FREM2: variants seen among roughly 807,000 people sequenced by gnomAD.
The protein encoded by FREM2 is FRAS1 related extracellular matrix 2.
A neutral mutation model predicts 219.9 loss-of-function variants in FREM2; 119 were observed. The ratio of observed to expected loss-of-function variants is 0.54; its 90% CI spans 0.47 to 0.63. The LOEUF (loss-of-function observed/expected upper bound fraction) is 0.63. Among genes scored for constraint, FREM2 ranks in the 30% least tolerant of loss-of-function variants. The pLI is 0.00. For missense variants in FREM2, 4,030 were observed against 3,993.6 expected, an observed-to-expected ratio of 1.01 and a Z score of -0.25; for synonymous variants, 1,562 against 1,522.8, an observed-to-expected ratio of 1.03 and a Z score of -0.60.
At chr13:38,810,184 C>A (rs1012621905) in intron 6 of FREM2, among the ~76,000 whole-genome samples, 2 of 151,866 alleles carry the variant, frequency 1.3e-5, no homozygotes, top group Non-Finnish European at 2.9e-5. Context: ...TCCTGCAACT[C>A]TAATGAATTT....
chr13:38,734,894 G>A (rs1871923411), intron 2 of FREM2, among the ~76,000 whole-genome samples: 1 of 151,902 alleles, frequency 6.6e-6, no homozygotes, highest in African/African-American at 2.4e-5. Context: ...CTACAGGCCT[G>A]CACCACCACG....
intron 4 of FREM2, among the ~76,000 whole-genome samples, chr13:38,774,603 T>TAACACTATCTTCC (rs1218218232): frequency 1.3e-5 from 2 of 152,190 alleles, no homozygotes; most frequent in Non-Finnish European, 2.9e-5. Context: ...TGTCAGAAAT[T>TAACACTATCTTCC]AACACTATCT....
intron 11 of FREM2, among the ~76,000 whole-genome samples, 189 bp from the exon 12 acceptor site, chr13:38,855,937 C>A (rs1039108871): frequency 6.7e-6 from 1 of 150,178 alleles, no homozygotes; most frequent in Non-Finnish European, 1.5e-5. Flanking sequence ...AAGTAAAATG[C>A]ATAGAATAAG....
intron 6 of FREM2, among the ~76,000 whole-genome samples, chr13:38,822,585 C>T (rs1177852907): frequency 1.3e-5 from 2 of 151,870 alleles, no homozygotes; most frequent in Non-Finnish European, 2.9e-5. Flanking sequence ...ATGCTGTCTG[C>T]GCTAAATAGG....
rs184819121 is a variant in FREM2, at chr13:38,688,553, C to T, written c.1209C>T (p.Asp403=). Residue 403 remains aspartate, a synonymous_variant, in exon 1 of 24, where the codon GAC becomes GAT. Coordinates refer to ENST00000280481, the MANE Select transcript of FREM2 (RefSeq NM_207361.6). ...ACCAGCCCCCTTCTGAAGACTCTGA[C>T]CAGGAGCGCCTCTTTGAACTGGAAT... The part of the protein sequence containing the change: ...IAYQPPSEDS[D]QERLFELELE... 3.7e-6 allele frequency: 6 copies of T among 1,613,614 alleles called. No homozygotes were observed. The Admixed American group carries it at 6.7e-5, about 18-fold the overall frequency.
intron 3 of FREM2, among the ~76,000 whole-genome samples, chr13:38,766,401 G>A (rs1239210264): frequency 6.6e-6 from 1 of 152,082 alleles, no homozygotes; most frequent in Non-Finnish European, 1.5e-5. Context: ...ATAGAAAATT[G>A]GGAAGCCTTC....
rs769920421 is a variant in FREM2 at position 38,859,439 on chromosome 13, C to T, written c.7368C>T (p.Asp2456=). The change falls in exon 14 of 24, where the codon GAC becomes GAT. Residue 2456 remains aspartate, a synonymous_variant. Coordinates refer to ENST00000280481, the MANE Select transcript of FREM2 (RefSeq NM_207361.6). ...GCCCTATGAGAGAAGTGGACTTCGA[C>T]ACCTTTTTTACGTCATCCAAGATGG... ...VTSPMREVDF[D]TFFTSSKMVT... 4 of 1,614,026 alleles carry T rather than the reference C, an allele frequency of 2.5e-6. No homozygotes were observed. The Admixed American group carries it at 5.0e-5, about 20-fold the overall frequency.
At position 38,692,485 on chromosome 13, in the gene FREM2, A is replaced by G. The variant is rs1465249185; in HGVS notation, c.5141A>G (p.Lys1714Arg). Residue 1714 changes from lysine (K) to arginine (R), a missense_variant, in exon 1 of 24, where the codon AAA becomes AGA. Transcript: ENST00000280481. ...PQHGYLLNLD[K>R]GNHSITQFTQ... is the part of the protein sequence containing the mutation. Reference sequence around the variant, plus strand: ...CATGGATATCTTCTCAACCTGGACAAAGGCAACCACAGCATCACTCAGTTC... The same window carrying G: ...CATGGATATCTTCTCAACCTGGACAGAGGCAACCACAGCATCACTCAGTTC... The G allele has an allele frequency of 6.2e-7, 1 of 1,612,698 alleles. No individual in the cohort carries two copies. Among genetic ancestry groups the G allele is most frequent in the African/African-American group, 1.3e-5 (1 of 74,916 alleles).
chr13:38,700,127 G>A (rs1330469525), intron 2 of FREM2, among the ~76,000 whole-genome samples: 1 of 152,000 alleles, frequency 6.6e-6, no homozygotes, highest in African/African-American at 2.4e-5. Flanking sequence ...CATCATCCAT[G>A]AATAACCTTA....
Position 38,692,159 on chromosome 13 carries a change from A to G in FREM2, c.4815A>G (p.Lys1605=). Residue 1605 remains lysine, a synonymous_variant, in exon 1 of 24, where the codon AAA becomes AAG. Transcript: ENST00000280481. ...QDLNENLISY[K]HDGTESSEDS... ...TGAATGAAAACTTAATCAGCTACAA[A>G]CATGATGGCACTGAGTCAAGTGAAG... 2 of 1,614,204 alleles carry G rather than the reference A, an allele frequency of 1.2e-6. No homozygotes were observed. The highest frequency in any genetic ancestry group is 1.1e-5 in the South Asian group (1 of 91,078).
intron 6 of FREM2, among the ~76,000 whole-genome samples, chr13:38,818,490 T>G (rs1003397820): frequency 3.3e-5 from 5 of 152,028 alleles, no homozygotes; most frequent in African/African-American, 1.2e-4. Context: ...GGAAAAAAAG[T>G]TGATATCATT....
intron 6 of FREM2, among the ~76,000 whole-genome samples, chr13:38,792,360 T>C (rs147122069): frequency 5.3e-4 from 81 of 152,120 alleles, no homozygotes; most frequent in African/African-American, 1.9e-3. Context: ...AAAATATATT[T>C]TAAAAAAGTC....
At chr13:38,791,916 C>T (rs1054873817) in intron 6 of FREM2, among the ~76,000 whole-genome samples, 2 of 152,158 alleles carry the variant, frequency 1.3e-5, no homozygotes, top group Non-Finnish European at 2.9e-5. Flanking sequence ...TCCCTCATGT[C>T]TTCATCTACT....
At chr13:38,762,445 C>CT (rs11428192) in intron 2 of FREM2, among the ~76,000 whole-genome samples, 88,261 of 149,076 alleles carry the variant, frequency 0.59, 28,350 homozygotes, top group Non-Finnish European at 0.73. Flanking sequence ...GCTCTCCAAT[C>CT]TTTTTTTTTT....
At chr13:38,719,469 C>T (rs1235656108) in intron 2 of FREM2, among the ~76,000 whole-genome samples, 2 of 152,146 alleles carry the variant, frequency 1.3e-5, no homozygotes, top group African/African-American at 2.4e-5. Flanking sequence ...GATCCGCCCA[C>T]CTTGGCCTCC....
rs568736669 is a variant in FREM2, at chr13:38,687,430, G to GGCT, written c.105_107dup (p.Leu38dup). ...CAACCAGGACCGCCACCGCCGCCCC[G>GGCT]GCTGCTGCTGCTGCTGCTGCTTCTC... On this transcript the variant is annotated inframe_insertion, in exon 1 of 24. Transcript: ENST00000280481. 2.7e-4 allele frequency: 428 copies of GGCT among 1,599,344 alleles called. 1 individual carries two copies. The highest frequency in any genetic ancestry group is 2.2e-3 in the East Asian group (96 of 44,206).
At chr13:38,723,197 T>A (rs1871368293) in intron 2 of FREM2, among the ~76,000 whole-genome samples, 2 of 151,708 alleles carry the variant, frequency 1.3e-5, no homozygotes, top group South Asian at 4.2e-4. Flanking sequence ...ATTGGGCCAC[T>A]GCACTCCAGC....
At chr13:38,863,072 CAG>C (rs1180568703) in intron 15 of FREM2, among the ~76,000 whole-genome samples, 1 of 151,844 alleles carries the variant, frequency 6.6e-6, no homozygotes, top group Non-Finnish European at 1.5e-5. Context: ...TTTTTTGAGG[CAG>C]AGTCTCACTC....
At chr13:38,721,630 G>T (rs892788200) in intron 2 of FREM2, among the ~76,000 whole-genome samples, 13 of 152,254 alleles carry the variant, frequency 8.5e-5, no homozygotes, top group Non-Finnish European at 1.8e-4. Context: ...ATGAGAAAGA[G>T]CAGTTGGCCG....
Sources: allele counts gnomAD v4.1 joint callset (sites outside exome capture counted in the v4.1 genomes callset), GRCh38; gene constraint gnomAD v4.1.1; transcripts MANE v1.5; gene names NCBI Gene and HGNC (gene_info 2026-07-23, HGNC 2026-07-21).